DDX23: variants seen among roughly 807,000 people sequenced by gnomAD.
DDX23 encodes probable ATP-dependent RNA helicase DDX23.
In DDX23, 33 loss-of-function variants were observed where a neutral mutation model predicts 102.7. The ratio of observed to expected loss-of-function variants is 0.32; its 90% confidence interval spans 0.24 to 0.43. The LOEUF is 0.43. DDX23 is among the 20% of genes least tolerant of loss of function. DDX23 has a pLI of 1.00. For missense variants in DDX23, 549 were observed against 1,086.6 expected (o/e 0.51, Z 6.96); for synonymous variants, 352 against 376.0 (o/e 0.94, Z 0.74).
intron 3 of DDX23, among the ~76,000 whole-genome samples, chr12:48,842,106 T>TCTGGGAAGTGAGGAGCGTCTCCGCCC (rs1938564348): frequency 4.2e-5 from 4 of 95,540 alleles, no homozygotes; most frequent in Non-Finnish European, 4.6e-5. Flanking sequence ...CCCCTCCGCC[T>TCTGGGAAGTGAGGAGCGTCTCCGCCC]GGCAGCCACC....
intron 11 of DDX23, among the ~76,000 whole-genome samples, chr12:48,835,710 CA>C (rs1938459901): frequency 6.6e-6 from 1 of 151,486 alleles, no homozygotes; most frequent in South Asian, 2.1e-4. Flanking sequence ...AACTCCGTCT[CA>C]AAAAACAAAA....
intron 3 of DDX23, among the ~76,000 whole-genome samples, chr12:48,841,188 C>T (rs576251715): frequency 1.4e-4 from 21 of 152,144 alleles, no homozygotes; most frequent in African/African-American, 5.1e-4. Context: ...GAGTTCGAGA[C>T]CAGCCTGGCC....
rs1565676323 is a variant in DDX23 at position 48,836,813 on chromosome 12, AG to A, written c.1011-20del. On this transcript the variant is annotated intron_variant, in intron 9 of 16. Transcript: ENST00000308025. This position sits in a 1 kb window ranked among gnomAD's most constrained non-coding sequence, Gnocchi z 6.1. ...TCTTGCCCTGGAGCAGGGTGTGAGGAGTAAGTAGAATCAGTGCCCTCCAACT... is the reference window on the plus strand; with the variant it reads ...TCTTGCCCTGGAGCAGGGTGTGAGGATAAGTAGAATCAGTGCCCTCCAACT... 1 of 1,613,222 alleles carries A rather than the reference AG, an allele frequency of 6.2e-7. No individual in the cohort carries two copies. The highest frequency in any genetic ancestry group is 8.5e-7 in the Non-Finnish European group (1 of 1,179,382).
At chr12:48,845,448 G>A in intron 2 of DDX23, 126 bp downstream of exon 2, 1 of 1,091,074 alleles carries the variant, frequency 9.2e-7, no homozygotes, top group Non-Finnish European at 1.3e-6. Flanking sequence ...AACAGAGCGA[G>A]ACTCTGTCTC....
chr12:48,834,479 T>A lies in DDX23; in HGVS notation c.1401A>T (p.Gln467His), dbSNP rs928967795. ...PKIDRIEESDQGPYAIILAPT... is the reference protein window; with the variant it reads ...PKIDRIEESDHGPYAIILAPT... ...GAGCCAGGATGATGGCATAAGGGCC[T>A]TGGTCTGACTCTTCGATCCTGTGGT... is the stretch of plus-strand genomic sequence containing the variant. Residue 467 changes from glutamine (Q) to histidine (H), a missense_variant, in exon 12 of 17, where the codon CAA (glutamine) becomes CAT (histidine). Transcript: ENST00000308025. 3 of 1,613,960 alleles carry A rather than the reference T, an allele frequency of 1.9e-6. No individual in the cohort carries two copies. Among genetic ancestry groups the A allele is most frequent in the Non-Finnish European group, 2.5e-6 (3 of 1,179,948 alleles).
chr12:48,851,843 G>A (rs61663947), intron 1 of DDX23, among the ~76,000 whole-genome samples: 2,604 of 152,356 alleles, frequency 0.017, 70 homozygotes, highest in African/African-American at 0.059. Context: ...GAGGCGCTGT[G>A]CCCATAGGCA....
At chr12:48,846,312 T>C (rs1938666305) in intron 1 of DDX23, among the ~76,000 whole-genome samples, 1 of 152,348 alleles carries the variant, frequency 6.6e-6, no homozygotes, top group East Asian at 1.9e-4. Flanking sequence ...GAATATACCA[T>C]GTTTTTGTAA....
intron 3 of DDX23, among the ~76,000 whole-genome samples, chr12:48,842,162 C>CGTCTCCGCCCGGCAGCCACCCCGTCT (rs1565678088): frequency 3.7e-5 from 3 of 80,808 alleles, no homozygotes; most frequent in African/African-American, 1.2e-4. Flanking sequence ...CCACCCCGTC[C>CGTCTCCGCCCGGCAGCCACCCCGTCT]GGGAGGGAGG....
intron 2 of DDX23, 109 bp downstream of exon 2, chr12:48,845,459 AAAAAAT>A (rs908575513): frequency 1.2e-4 from 151 of 1,246,072 alleles, no homozygotes; most frequent in Non-Finnish European, 1.7e-4. Flanking sequence ...ACTCTGTCTC[AAAAAAT>A]AAAAATAAAA....
chr12:48,845,571 T>G lies in DDX23; in HGVS notation c.209+3A>C. The G allele has an allele frequency of 1.2e-6, 2 of 1,614,224 alleles. No homozygotes were observed. Among genetic ancestry groups the G allele is most frequent in the Non-Finnish European group, 1.7e-6 (2 of 1,180,024 alleles). ...CATGTAATAACATACAAAGTTACTT[T>G]ACCTTTCTGCAGATTTGGAACGGGA... is the stretch of plus-strand genomic sequence containing the variant. On this transcript the variant is annotated splice_donor_region_variant and intron_variant, in intron 2 of 16. Coordinates refer to ENST00000308025, the MANE Select transcript of DDX23 (RefSeq NM_004818.3).
Position 48,843,972 on chromosome 12 carries a change from C to T in DDX23, c.288G>A (p.Gly96=). The T allele has an allele frequency of 6.2e-7, 1 of 1,614,128 alleles. No individual in the cohort carries two copies. Among genetic ancestry groups the T allele is most frequent in the Non-Finnish European group, 8.5e-7 (1 of 1,180,014 alleles). ...NKKDRDRDKD[G]HRRDKDRKRS... ...GTTTACGGTCCTTGTCCCGTCTGTG[C>T]CCATCCTTGTCTCGATCTCGGTCCT... The change falls in exon 3 of 17, where the codon GGG becomes GGA. Residue 96 remains glycine, a synonymous_variant. Transcript: ENST00000308025.
In DDX23 at chr12:48,837,960, A is replaced by C. The variant is rs1938489009; in HGVS notation, c.601T>G (p.Leu201Val). The change falls in exon 6 of 17, where the codon TTG becomes GTG. Residue 201 changes from leucine to valine, a missense_variant. Physicochemically the swap from Leu to Val is conservative, Grantham distance 32. Transcript: ENST00000308025. ...AACAAACCCAACATCTTCCTGCCCA[A>C]GTCTTGGAACTGTTTCCTTTTCTTC... is the stretch of plus-strand genomic sequence containing the variant. ...ERKKRKQFQD[L>V]GRKMLEDPQE... The C allele has an allele frequency of 6.2e-7, 1 of 1,613,166 alleles. No homozygotes were observed.
intron 1 of DDX23, among the ~76,000 whole-genome samples, chr12:48,848,627 C>A (rs1284197239): frequency 6.6e-6 from 1 of 152,148 alleles, no homozygotes; most frequent in Non-Finnish European, 1.5e-5. Flanking sequence ...CCCTCTCACG[C>A]AAGATGGAGG....
At position 48,836,369 on chromosome 12, in the gene DDX23, C is replaced by T; in HGVS notation, c.1237-103G>A. 1 of 1,416,244 alleles carries T rather than the reference C, an allele frequency of 7.1e-7. No homozygotes were observed. Among genetic ancestry groups the T allele is most frequent in the Non-Finnish European group, 9.8e-7 (1 of 1,017,396 alleles). The allele number at this position is 1,416,244 out of a possible 1,614,324, so 87.7% of individuals were successfully genotyped here. A position where few individuals can be genotyped will look rare whatever the true frequency, so the allele number is the denominator to read the frequency against. On this transcript the variant is annotated intron_variant, in intron 10 of 16. Transcript: ENST00000308025. This position sits in a 1 kb window ranked among gnomAD's most constrained non-coding sequence, Gnocchi z 6.1. ...ATCTGCTAGCACAATGGAAGGATGCCAAGTACAGTTCACAGAAATAGGGAC... is the reference window on the plus strand; with the variant it reads ...ATCTGCTAGCACAATGGAAGGATGCTAAGTACAGTTCACAGAAATAGGGAC...
At chr12:48,842,923 A>G (rs1158015618) in intron 3 of DDX23, among the ~76,000 whole-genome samples, 4 of 150,960 alleles carry the variant, frequency 2.6e-5, no homozygotes, top group Admixed American at 2.6e-4. Context: ...AGAGGTAGAC[A>G]TGGGAGACTT....
chr12:48,836,105 TGCTA>T lies in DDX23; in HGVS notation c.1382+12_1382+15del. 1.2e-6 allele frequency: 2 copies of T among 1,611,424 alleles called. No individual in the cohort carries two copies. The highest frequency in any genetic ancestry group is 8.5e-7 in the Non-Finnish European group (1 of 1,179,046). ...ACCCAGACAAACCCACTCCAGCTGG[TGCTA>T]GCTGACCTCACCTGTCAATTTTGGG... On this transcript the variant is annotated intron_variant, in intron 11 of 16. Coordinates refer to ENST00000308025, the MANE Select transcript of DDX23 (RefSeq NM_004818.3). This position sits in a 1 kb window ranked among gnomAD's most constrained non-coding sequence, Gnocchi z 6.1.
rs878963819 is a variant in DDX23 at position 48,830,770 on chromosome 12, G to A, written c.2240-78C>T. 2 of 1,410,684 alleles carry A rather than the reference G, an allele frequency of 1.4e-6. No homozygotes were observed. Among genetic ancestry groups the A allele is most frequent in the Admixed American group, 2.2e-5 (1 of 46,422 alleles). The allele number at this position is 1,410,684 out of a possible 1,614,324, so 87.4% of individuals were successfully genotyped here. A position where few individuals can be genotyped will look rare whatever the true frequency, so the allele number is the denominator to read the frequency against. On this transcript the variant is annotated intron_variant, in intron 16 of 16. Transcript: ENST00000308025. The surrounding 1 kb of genome is among the most constrained non-coding windows in gnomAD (Gnocchi z 4.9). ...GTGTCTGATGCCTCCACTTCTAGAGGCATCCTTCCCACCCCATCTCCAAAG... is the reference window on the plus strand; with the variant it reads ...GTGTCTGATGCCTCCACTTCTAGAGACATCCTTCCCACCCCATCTCCAAAG...
chr12:48,841,440 TCCCTCTC>T lies in DDX23; in HGVS notation c.321-1341_321-1335del, dbSNP rs1018992963. 2.6e-4 allele frequency among the ~76,000 whole-genome samples: 40 copies of T among 152,142 alleles called. 2 individuals are homozygous for T. In the East Asian group the frequency reaches 3.3e-3, roughly 13 times the overall value. ...ATCCATAGATAGAAAAGCTTCAGGCTCCCTCTCCCCTCTCCCCTCTCCCCACGGTCTC... is the reference window on the plus strand; with the variant it reads ...ATCCATAGATAGAAAAGCTTCAGGCTCCCTCTCCCCTCTCCCCACGGTCTC... On this transcript the variant is annotated intron_variant, in intron 3 of 16. Coordinates refer to ENST00000308025, the MANE Select transcript of DDX23 (RefSeq NM_004818.3).
chr12:48,849,805 AG>A (rs749686357), intron 1 of DDX23, among the ~76,000 whole-genome samples: 12 of 152,230 alleles, frequency 7.9e-5, no homozygotes, highest in Non-Finnish European at 1.6e-4. Flanking sequence ...AATATCGTCC[AG>A]GAACACGGCT....
Sources: gnomAD v4.1 joint callset for allele counts (sites outside exome capture counted in the v4.1 genomes callset) on GRCh38, gnomAD v4.1.1 for gene constraint, Gnocchi (gnomAD v3.1) non-coding constraint, MANE v1.5 for transcripts, NCBI Gene and HGNC (gene_info 2026-07-23, HGNC 2026-07-21) for gene names.